The following VPS33B variants were observed in gnomAD, a reference collection of about 807,000 sequenced individuals.
VPS33B encodes VPS33B late endosome and lysosome associated, also known as vacuolar protein sorting-associated protein 33B.
Under a neutral mutation model 95.3 loss-of-function variants are expected in VPS33B, and 80 were observed. The observed-to-expected ratio is 0.84, with a 90% CI of 0.70 to 1.01. The LOEUF is 1.01. Among genes scored for constraint, VPS33B ranks in the 50% least tolerant of loss-of-function variants. VPS33B has a pLI of 0.00. For synonymous variants in VPS33B, 280 were observed against 280.4 expected (o/e 1.00, Z 0.01); for missense variants, 715 against 773.4 (o/e 0.92, Z 0.90).
chr15:91,005,333 G>T lies in VPS33B; in HGVS notation c.1105+47C>A. 1 of 1,614,084 alleles carries T rather than the reference G, an allele frequency of 6.2e-7. No individual in the cohort carries two copies. Among genetic ancestry groups the T allele is most frequent in the East Asian group, 2.2e-5 (1 of 44,870 alleles). On this transcript the variant is annotated intron_variant, in intron 14 of 22. Coordinates refer to ENST00000333371, the MANE Select transcript of VPS33B (RefSeq NM_018668.5). This position sits in a 1 kb window ranked among gnomAD's most constrained non-coding sequence, Gnocchi z 6.4. ...AAGGGTGGGACGGGGCTGGGAGCTG[G>T]GGAAGTAGAAGCGTGGGCAGTAGCA...
At chr15:91,014,456 A>G in intron 3 of VPS33B, 23 bp from the exon 4 acceptor site, 1 of 1,613,444 alleles carries the variant, frequency 6.2e-7, no homozygotes. Context: ...AAGAAAAAAA[A>G]ACAGTGAAGA....
At position 91,006,969 on chromosome 15, in the gene VPS33B, A is replaced by G. The variant is rs773434757; in HGVS notation, c.681T>C (p.His227=). Residue 227 remains histidine (H), a synonymous_variant, in exon 9 of 23, where the codon CAT becomes CAC. Coordinates refer to ENST00000333371, the MANE Select transcript of VPS33B (RefSeq NM_018668.5). The surrounding 1 kb of genome is among the most constrained non-coding windows in gnomAD (Gnocchi z 5.4). ...ETKGRRPEIG[H]IFLLDRDVDF... is the part of the protein sequence containing the mutation. ...ATTTACCTCTGTCCAAGAGAAAGAT[A>G]TGTCCAATCTCTGGCCTTCGGCCCT... 3 of 1,614,036 alleles carry G rather than the reference A, an allele frequency of 1.9e-6. No homozygotes were observed. The highest frequency in any genetic ancestry group is 1.3e-5 in the African/African-American group (1 of 74,938).
rs1247835532 is a variant in VPS33B at position 91,016,976 on chromosome 15, T to C, written c.226A>G (p.Ser76Gly). 6.2e-7 allele frequency: 1 copy of C among 1,614,056 alleles called. No homozygotes were observed. Among genetic ancestry groups the C allele is most frequent in the East Asian group, 2.2e-5 (1 of 44,866 alleles). The change falls in exon 3 of 23, where the codon AGC becomes GGC. Residue 76 changes from serine (S) to glycine (G), a missense_variant. Transcript: ENST00000333371. The stretch of plus-strand genomic sequence containing the variant: ...CCAGACACTCACTGTTCATTGGAGC[T>C]GAGGGCTGGCTTGTTCTCCACCTTG... The part of the protein sequence containing the change: ...LYKVENKPAL[S>G]SNEQLCFLVR...
At position 91,017,786 on chromosome 15, in the gene VPS33B, C is replaced by T; in HGVS notation, c.177+19G>A. Reference sequence around the variant, plus strand: ...ACTGCTTAAAGAGGGGCATGGCCCCCAGGGGAAAGGGACAGTACCTTCAGG... The same window carrying T: ...ACTGCTTAAAGAGGGGCATGGCCCCTAGGGGAAAGGGACAGTACCTTCAGG... On this transcript the variant is annotated intron_variant, in intron 2 of 22. Coordinates refer to ENST00000333371, the MANE Select transcript of VPS33B (RefSeq NM_018668.5). 6.2e-7 allele frequency: 1 copy of T among 1,613,018 alleles called. No individual in the cohort carries two copies. Among genetic ancestry groups the T allele is most frequent in the South Asian group, 1.1e-5 (1 of 91,058 alleles).
rs1379559707 is a variant in VPS33B, at chr15:91,005,396, T to A, written c.1089A>T (p.Leu363=). The A allele has an allele frequency of 1.2e-6, 2 of 1,614,156 alleles. No homozygotes were observed. The highest frequency in any genetic ancestry group is 1.3e-5 in the African/African-American group (1 of 75,018). Residue 363 remains leucine, a synonymous_variant, in exon 14 of 23, where the codon CTA becomes CTT. Transcript: ENST00000333371. The surrounding 1 kb of genome is among the most constrained non-coding windows in gnomAD (Gnocchi z 6.4). The part of the protein sequence containing the change: ...KKKTKQDFQE[L]IKTEHALLEG... ...GGCAGTTACCATGCTCAGTCTTGATTAGCTCCTGGAAATCCTGCTTGGTTT... is the reference window on the plus strand; with the variant it reads ...GGCAGTTACCATGCTCAGTCTTGATAAGCTCCTGGAAATCCTGCTTGGTTT...
rs2040793802 is a variant in VPS33B at position 91,011,982 on chromosome 15, C to T, written c.357+1822G>A. 6.9e-6 allele frequency among the ~76,000 whole-genome samples: 1 copy of T among 145,664 alleles called. No homozygotes were observed. Among genetic ancestry groups the T allele is most frequent in the Non-Finnish European group, 1.5e-5 (1 of 67,646 alleles). On this transcript the variant is annotated intron_variant, in intron 5 of 22. Transcript: ENST00000333371. The surrounding 1 kb of genome is among the most constrained non-coding windows in gnomAD (Gnocchi z 5.5). ...CCAGTCTGGGTGACAGAGCAATGCA[C>T]TGTCTCCAAAAACAAAACAAAACAA...
intron 1 of VPS33B, 99 bp from the exon 2 acceptor site, chr15:91,017,984 G>T: frequency 2.9e-6 from 3 of 1,048,432 alleles, no homozygotes; most frequent in Non-Finnish European, 4.5e-6. Flanking sequence ...AGTCTCTGAG[G>T]TGGGAGGGCA....
In VPS33B at chr15:90,999,527, C is replaced by T. The variant is rs999332884; in HGVS notation, c.1774+150G>A. The T allele has an allele frequency of 4.8e-6, 4 of 829,854 alleles. No individual in the cohort carries two copies. In the African/African-American group the frequency reaches 6.7e-5, roughly 14 times the overall value. The allele number at this position is 829,854 out of a possible 1,614,324, so 51.4% of individuals were successfully genotyped here. A position where few individuals can be genotyped will look rare whatever the true frequency, so the allele number is the denominator to read the frequency against. On this transcript the variant is annotated intron_variant, in intron 22 of 22. Transcript: ENST00000333371. The surrounding 1 kb of genome is among the most constrained non-coding windows in gnomAD (Gnocchi z 5.1). Reference sequence around the variant, plus strand: ...AGAGATGGGGTTTCACCATGTTGGTCAGGCTAGGCTCTAACTCCTGACCTC... The same window carrying T: ...AGAGATGGGGTTTCACCATGTTGGTTAGGCTAGGCTCTAACTCCTGACCTC...
chr15:91,016,948 C>A lies in VPS33B; in HGVS notation c.239+15G>T. The A allele has an allele frequency of 6.2e-7, 1 of 1,613,786 alleles. No homozygotes were observed. ...TTCCAGCTTGGAGTAGGGACAGACT[C>A]TCCCAGACACTCACTGTTCATTGGA... On this transcript the variant is annotated intron_variant, in intron 3 of 22. Transcript: ENST00000333371.
At chr15:91,014,779 A>G (rs1406509938) in intron 3 of VPS33B, among the ~76,000 whole-genome samples, 1 of 152,242 alleles carries the variant, frequency 6.6e-6, no homozygotes, top group African/African-American at 2.4e-5. Context: ...AAAATATACA[A>G]TTATTATCTG....
At chr15:91,021,426 C>T (rs1022001028) in intron 1 of VPS33B, among the ~76,000 whole-genome samples, 3 of 152,158 alleles carry the variant, frequency 2.0e-5, no homozygotes, top group African/African-American at 7.2e-5. Flanking sequence ...CATCACTTTC[C>T]TTCATTCCCA....
chr15:90,999,637 T>C lies in VPS33B; in HGVS notation c.1774+40A>G, dbSNP rs1243227336. 6.2e-7 allele frequency: 1 copy of C among 1,604,450 alleles called. No individual in the cohort carries two copies. Among genetic ancestry groups the C allele is most frequent in the South Asian group, 1.1e-5 (1 of 90,840 alleles). ...CCCAGCTGACACTTTGTTACCCAGATACAATGCAGGCCAATTCTCACCTTT... is the reference window on the plus strand; with the variant it reads ...CCCAGCTGACACTTTGTTACCCAGACACAATGCAGGCCAATTCTCACCTTT... On this transcript the variant is annotated intron_variant, in intron 22 of 22. Coordinates refer to ENST00000333371, the MANE Select transcript of VPS33B (RefSeq NM_018668.5). This position sits in a 1 kb window ranked among gnomAD's most constrained non-coding sequence, Gnocchi z 5.1.
chr15:91,014,273 G>T, intron 4 of VPS33B, 111 bp downstream of exon 4: 1 of 1,037,954 alleles, frequency 9.6e-7, no homozygotes, highest in Non-Finnish European at 1.5e-6. Context: ...CTCCACAAGT[G>T]CTACGGCCAA....
At chr15:90,998,671 T>C (rs1054867039), downstream of VPS33B, 1 of 446,354 alleles carries the variant, frequency 2.2e-6, no homozygotes, top group South Asian at 2.1e-5. This position sits in a 1 kb window ranked among gnomAD's most constrained non-coding sequence, Gnocchi z 4.8. Flanking sequence ...ACGACCAACG[T>C]ATTACATCTG....
At chr15:91,003,291 T>C (rs556020430) in intron 16 of VPS33B, among the ~76,000 whole-genome samples, 160 bp from the exon 17 acceptor site, 48 of 152,236 alleles carry the variant, frequency 3.2e-4, no homozygotes, top group African/African-American at 1.1e-3. Context: ...TAAGCTTGCT[T>C]ATTGAAAGAT....
chr15:91,004,765 G>T, intron 16 of VPS33B, 112 bp downstream of exon 16: 1 of 1,263,398 alleles, frequency 7.9e-7, no homozygotes, highest in Non-Finnish European at 1.1e-6. Context: ...TAAATTACAG[G>T]GAAACATTCT....
chr15:91,017,192 C>A, intron 2 of VPS33B, 168 bp from the exon 3 acceptor site: 1 of 660,278 alleles, frequency 1.5e-6, no homozygotes, highest in Non-Finnish European at 2.7e-6. Flanking sequence ...GAATTTTCCT[C>A]AAACTGTCAA....
chr15:91,002,277 C>T lies in VPS33B; in HGVS notation c.1273-95G>A. The stretch of plus-strand genomic sequence containing the variant: ...GTTGAGCAGAAGGACTATGAAGCCT[C>T]TGCTGCAGTGTGAAGGAGCTCACAC... On this transcript the variant is annotated intron_variant, in intron 17 of 22. Transcript: ENST00000333371. This position sits in a 1 kb window ranked among gnomAD's most constrained non-coding sequence, Gnocchi z 4.7. The T allele has an allele frequency of 6.5e-7, 1 of 1,544,596 alleles. No individual in the cohort carries two copies. Among genetic ancestry groups the T allele is most frequent in the Non-Finnish European group, 8.8e-7 (1 of 1,131,908 alleles).
rs1378003988 is a variant in VPS33B at position 91,018,697 on chromosome 15, G to A, written c.97-812C>T. Among the ~76,000 whole-genome samples the A allele has an allele frequency of 6.6e-6, 1 of 152,182 alleles. No homozygotes were observed. Among genetic ancestry groups the A allele is most frequent in the Non-Finnish European group, 1.5e-5 (1 of 68,038 alleles). ...CATCTTGTGGGTAGAGGCCAGGGGT[G>A]CTGCTAGACATCCAACAATGCACAG... is the stretch of plus-strand genomic sequence containing the variant. On this transcript the variant is annotated intron_variant, in intron 1 of 22. Transcript: ENST00000333371. This position sits in a 1 kb window ranked among gnomAD's most constrained non-coding sequence, Gnocchi z 4.7.
Sources: gnomAD v4.1 joint callset for allele counts (sites outside exome capture counted in the v4.1 genomes callset) on GRCh38, gnomAD v4.1.1 for gene constraint, Gnocchi (gnomAD v3.1) non-coding constraint, MANE v1.5 for transcripts, NCBI Gene and HGNC (gene_info 2026-07-23, HGNC 2026-07-21) for gene names.